DNHD1: variants seen among roughly 807,000 people sequenced by gnomAD.
DNHD1 encodes the protein dynein heavy chain domain-containing protein 1.
Under a neutral mutation model 458.1 loss-of-function variants are expected in DNHD1, and 383 were observed. The ratio of observed to expected loss-of-function variants is 0.84; its 90% confidence interval spans 0.77 to 0.91. The LOEUF is 0.91. DNHD1 is among the 40% of genes least tolerant of loss of function. DNHD1 has a pLI of 0.00. For missense variants in DNHD1, 5,336 were observed against 5,866.1 expected (o/e 0.91, Z 2.95); for synonymous variants, 2,203 against 2,376.9 (o/e 0.93, Z 2.13).
intron 7 of DNHD1, among the ~76,000 whole-genome samples, chr11:6,512,439 G>C (rs971334911): frequency 6.6e-6 from 1 of 151,538 alleles, no homozygotes; most frequent in Non-Finnish European, 1.5e-5. Flanking sequence ...AGCCAGGATG[G>C]TCTTGATCTC....
chr11:6,547,974 A>G lies in DNHD1; in HGVS notation c.6839A>G (p.His2280Arg). The G allele has an allele frequency of 6.4e-7, 1 of 1,551,778 alleles. No homozygotes were observed. Among genetic ancestry groups the G allele is most frequent in the South Asian group, 1.2e-5 (1 of 84,060 alleles). Residue 2280 changes from histidine to arginine, a missense_variant, in exon 22 of 43, where the codon CAC becomes CGC. By Grantham distance (29) the His-to-Arg change is conservative. Coordinates refer to ENST00000254579, the MANE Select transcript of DNHD1 (RefSeq NM_144666.3). Reference sequence around the variant, plus strand: ...GATGTGCCAGATAAGTGCAGGGAACACTTGCTGGCTGTCAGCAGTTTTCTT... The same window carrying G: ...GATGTGCCAGATAAGTGCAGGGAACGCTTGCTGGCTGTCAGCAGTTTTCTT... ...SDDVPDKCREHLLAVSSFLFA... is the reference protein window; with the variant it reads ...SDDVPDKCRERLLAVSSFLFA...
At chr11:6,552,949 C>G (rs965180000) in intron 24 of DNHD1, among the ~76,000 whole-genome samples, 1 of 151,960 alleles carries the variant, frequency 6.6e-6, no homozygotes. Context: ...GTTTCCAGTC[C>G]CAGATGGTTA....
At position 6,557,894 on chromosome 11, in the gene DNHD1, T is replaced by G. The variant is rs779752459; in HGVS notation, c.8599T>G (p.Ser2867Ala). The G allele has an allele frequency of 1.2e-4, 185 of 1,550,790 alleles. No homozygotes were observed. Among genetic ancestry groups the G allele is most frequent in the Non-Finnish European group, 1.5e-4 (168 of 1,146,938 alleles). ...GAGCCCCCACCTGGCCCGGTGTCAT[T>G]CCATGGCCCAGCACGTGGCCCGCCT... ...KLSPHLARCH[S>A]MAQHVARLVR... is the part of the protein sequence containing the mutation. Residue 2867 changes from serine (S) to alanine (A), a missense_variant, in exon 25 of 43, where the codon TCC becomes GCC. By Grantham distance (99) the Ser-to-Ala change is moderately conservative. Transcript: ENST00000254579.
intron 28 of DNHD1, among the ~76,000 whole-genome samples, chr11:6,559,685 A>T (rs1853545747): frequency 6.6e-6 from 1 of 152,204 alleles, no homozygotes; most frequent in South Asian, 2.1e-4. Flanking sequence ...TTTCTTCCAC[A>T]AAAGCAACAA....
Position 6,511,502 on chromosome 11 carries a change from T to C in DNHD1, c.1392+73T>C. On this transcript the variant is annotated intron_variant, in intron 7 of 42. Coordinates refer to ENST00000254579, the MANE Select transcript of DNHD1 (RefSeq NM_144666.3). ...CCCAGAGTTTCAGCCTCCTCTTAGTTAAGTTTCTCCTGGAATCCACTGTAT... is the reference window on the plus strand; with the variant it reads ...CCCAGAGTTTCAGCCTCCTCTTAGTCAAGTTTCTCCTGGAATCCACTGTAT... 1.9e-6 allele frequency: 3 copies of C among 1,563,700 alleles called. No homozygotes were observed. The South Asian group carries it at 3.5e-5, about 18-fold the overall frequency.
intron 10 of DNHD1, among the ~76,000 whole-genome samples, chr11:6,523,887 C>T (rs906672352): frequency 3.9e-5 from 6 of 152,084 alleles, no homozygotes; most frequent in Admixed American, 3.3e-4. Context: ...ACTCAGGAGG[C>T]TGAGGTGGAA....
chr11:6,538,281 TG>T, intron 14 of DNHD1, 101 bp from the exon 15 acceptor site: 1 of 1,060,418 alleles, frequency 9.4e-7, no homozygotes, highest in Non-Finnish European at 1.4e-6. Flanking sequence ...CATCACTTTC[TG>T]GACCCTACCT....
chr11:6,521,553 G>T (rs1314994124), intron 10 of DNHD1, among the ~76,000 whole-genome samples: 1 of 152,096 alleles, frequency 6.6e-6, no homozygotes, highest in East Asian at 1.9e-4. Flanking sequence ...GGAATGAAAA[G>T]ATAGAAGGAA....
chr11:6,556,749 C>G lies in DNHD1; in HGVS notation c.7454C>G (p.Ala2485Gly). 6.4e-7 allele frequency: 1 copy of G among 1,551,572 alleles called. No homozygotes were observed. The highest frequency in any genetic ancestry group is 8.7e-7 in the Non-Finnish European group (1 of 1,146,912). ...LRQAMDGTVY[A>G]HSTLELQTLQ... is the part of the protein sequence containing the mutation. ...CAGGCCATGGATGGCACTGTGTATGCCCACAGCACCTTGGAACTGCAGACG... is the reference window on the plus strand; with the variant it reads ...CAGGCCATGGATGGCACTGTGTATGGCCACAGCACCTTGGAACTGCAGACG... Residue 2485 changes from alanine to glycine, a missense_variant, in exon 25 of 43, where the codon GCC (alanine) becomes GGC (glycine). Physicochemically the swap from Ala to Gly is moderately conservative, Grantham distance 60 (BLOSUM62 0). Around this residue, in one of 4 missense-constraint regions of DNHD1, gnomAD observed 3,932 missense variants for 4,365.6 expected, o/e 0.90. Coordinates refer to ENST00000254579, the MANE Select transcript of DNHD1 (RefSeq NM_144666.3).
At chr11:6,569,482 C>CAA (rs1389703809) in intron 39 of DNHD1, among the ~76,000 whole-genome samples, 2 of 137,832 alleles carry the variant, frequency 1.5e-5, no homozygotes, top group Middle Eastern at 4.2e-3. Flanking sequence ...GACTCTGTCT[C>CAA]AAAAAAAAAA....
intron 12 of DNHD1, among the ~76,000 whole-genome samples, chr11:6,530,586 A>G (rs1589877212): frequency 6.6e-6 from 1 of 152,204 alleles, no homozygotes; most frequent in Admixed American, 6.5e-5. Context: ...GTGGCTTCCC[A>G]GGCCTGCTTT....
Position 6,556,850 on chromosome 11 carries a change from T to C in DNHD1, c.7555T>C (p.Phe2519Leu). The change falls in exon 25 of 43, where the codon TTT becomes CTT. Residue 2519 changes from phenylalanine to leucine, a missense_variant. Phe to Leu is a conservative substitution (Grantham distance 22, BLOSUM62 0). Around this residue, in one of 4 missense-constraint regions of DNHD1, gnomAD observed 3,932 missense variants for 4,365.6 expected, o/e 0.90. Coordinates refer to ENST00000254579, the MANE Select transcript of DNHD1 (RefSeq NM_144666.3). ...YCERPLCPRLFRLFTVLALES... is the reference protein window; with the variant it reads ...YCERPLCPRLLRLFTVLALES... Reference sequence around the variant, plus strand: ...TGAGCGCCCACTGTGTCCACGCCTCTTTCGACTCTTCACAGTCCTGGCCCT... The same window carrying C: ...TGAGCGCCCACTGTGTCCACGCCTCCTTCGACTCTTCACAGTCCTGGCCCT... 1 of 1,551,666 alleles carries C rather than the reference T, an allele frequency of 6.4e-7. No individual in the cohort carries two copies. The highest frequency in any genetic ancestry group is 2.4e-5 in the East Asian group (1 of 40,912).
At chr11:6,566,456 C>CCCTAAGTGAAG in intron 34 of DNHD1, 63 bp downstream of exon 34, 1 of 1,544,892 alleles carries the variant, frequency 6.5e-7, no homozygotes, top group Non-Finnish European at 8.8e-7. Flanking sequence ...TCAGCACCAG[C>CCCTAAGTGAAG]CCTAAGAGGG....
chr11:6,545,898 T>C lies in DNHD1; in HGVS notation c.4959T>C (p.Tyr1653=). 1 of 1,551,784 alleles carries C rather than the reference T, an allele frequency of 6.4e-7. No individual in the cohort carries two copies. The highest frequency in any genetic ancestry group is 2.4e-5 in the East Asian group (1 of 40,920). Residue 1653 remains tyrosine (Y), a synonymous_variant, in exon 21 of 43, where the codon TAT becomes TAC. Transcript: ENST00000254579. This position sits in a 1 kb window ranked among gnomAD's most constrained non-coding sequence, Gnocchi z 4.9. ...GGTCCTTCCTGTACAATTACGAGTATCTGGGACCTAGACTAGGGCCTCTAC... is the reference window on the plus strand; with the variant it reads ...GGTCCTTCCTGTACAATTACGAGTACCTGGGACCTAGACTAGGGCCTCTAC... ...LGRSFLYNYE[Y]LGPRLGPLPS... is the part of the protein sequence containing the mutation.
At position 6,510,595 on chromosome 11, in the gene DNHD1, T is replaced by C. The variant is rs145305128; in HGVS notation, c.1236-678T>C. On this transcript the variant is annotated intron_variant, in intron 6 of 42. Transcript: ENST00000254579. The stretch of plus-strand genomic sequence containing the variant: ...GACCTTGAGTACTAGCAAGGGACTT[T>C]AGTATTTGAGCCTCAGTTTCCTGAT... 2.0e-5 allele frequency among the ~76,000 whole-genome samples: 3 copies of C among 152,246 alleles called. No homozygotes were observed. The East Asian group carries it at 5.8e-4, about 29-fold the overall frequency.
chr11:6,552,526 A>G (rs1021182569), intron 24 of DNHD1, among the ~76,000 whole-genome samples: 1 of 152,066 alleles, frequency 6.6e-6, no homozygotes, highest in Non-Finnish European at 1.5e-5. Context: ...CTTCGTCCCA[A>G]AAAATATATA....
Position 6,559,260 on chromosome 11 carries a change from C to T in DNHD1, c.9496C>T (p.Gln3166Ter), listed in dbSNP as rs1412825724. ...TGCCAATCTGATCTTTGACTTGGAA[C>T]AGCAGCTGAAAGACTCCGGCAAGGT... ...THANLIFDLE[Q>*]QLKDSGKSLS... Residue 3166 changes from glutamine (Q) to a stop codon, truncating the protein, a stop_gained, in exon 28 of 43, where the codon CAG becomes TAG. Transcript: ENST00000254579. LOFTEE classifies it high-confidence loss of function. 1.4e-5 allele frequency: 21 copies of T among 1,551,564 alleles called. No individual in the cohort carries two copies. Among genetic ancestry groups the T allele is most frequent in the Admixed American group, 2.0e-5 (1 of 50,982 alleles).
chr11:6,557,133 T>C lies in DNHD1; in HGVS notation c.7838T>C (p.Phe2613Ser). The change falls in exon 25 of 43, where the codon TTT becomes TCT. Residue 2613 changes from phenylalanine (F) to serine (S), a missense_variant. This residue lies in a region of DNHD1 where 3,932 missense variants were observed against 4,365.6 expected (regional missense o/e 0.90). Transcript: ENST00000254579. ...CCCAACAGAACAGGCTCCCGAGGTTTTGTGGACTATCCCAACCACCAGGAG... is the reference window on the plus strand; with the variant it reads ...CCCAACAGAACAGGCTCCCGAGGTTCTGTGGACTATCCCAACCACCAGGAG... ...LLPNRTGSRGFVDYPNHQEHL... is the reference protein window; with the variant it reads ...LLPNRTGSRGSVDYPNHQEHL... 1 of 1,551,754 alleles carries C rather than the reference T, an allele frequency of 6.4e-7. No homozygotes were observed. Among genetic ancestry groups the C allele is most frequent in the Non-Finnish European group, 8.7e-7 (1 of 1,146,994 alleles).
At position 6,539,985 on chromosome 11, in the gene DNHD1, C is replaced by T; in HGVS notation, c.3530C>T (p.Pro1177Leu). 1.3e-6 allele frequency: 2 copies of T among 1,551,722 alleles called. No individual in the cohort carries two copies. The highest frequency in any genetic ancestry group is 1.7e-6 in the Non-Finnish European group (2 of 1,146,984). Residue 1177 changes from proline (P) to leucine (L), a missense_variant, in exon 18 of 43, where the codon CCC (proline) becomes CTC (leucine). Pro to Leu is a moderately conservative substitution (Grantham distance 98). This residue lies in a region of DNHD1 where 3,932 missense variants were observed against 4,365.6 expected (regional missense o/e 0.90). Coordinates refer to ENST00000254579, the MANE Select transcript of DNHD1 (RefSeq NM_144666.3). ...LRLLNFILHV[P>L]YEPPASERSK... ...CTGCTCAACTTCATCCTGCATGTACCCTACGAGCCCCCAGCCTCAGAGCGC... is the reference window on the plus strand; with the variant it reads ...CTGCTCAACTTCATCCTGCATGTACTCTACGAGCCCCCAGCCTCAGAGCGC...
Sources: gnomAD v4.1 joint callset for allele counts (sites outside exome capture counted in the v4.1 genomes callset) on GRCh38, gnomAD v4.1.1 for gene constraint, gnomAD v4.1.1 regional missense constraint, Gnocchi (gnomAD v3.1) non-coding constraint, MANE v1.5 for transcripts, NCBI Gene and HGNC (gene_info 2026-07-23, HGNC 2026-07-21) for gene names.